Variants in PLCG2 observed in about 807,000 individuals in gnomAD.
The protein encoded by PLCG2 is 1-phosphatidylinositol 4,5-bisphosphate phosphodiesterase gamma-2.
In PLCG2, 69 loss-of-function variants were observed where a neutral mutation model predicts 175.6. The ratio of observed to expected loss-of-function variants is 0.39; its 90% CI spans 0.32 to 0.48. The LOEUF (loss-of-function observed/expected upper bound fraction) is 0.48, where lower values mean the gene tolerates loss of function less well. Ranked by LOEUF, PLCG2 falls within the 20% of genes least tolerant of loss-of-function variation. The pLI, the probability that PLCG2 is intolerant of heterozygous loss-of-function variation, is 0.91. For synonymous variants in PLCG2, 827 were observed against 624.0 expected, an observed-to-expected ratio of 1.33 and a Z score of -4.85; for missense variants, 1,798 against 1,650.9, an observed-to-expected ratio of 1.09 and a Z score of -1.54.
chr16:81,919,363 GTTTA>G, intron 19 of PLCG2, 117 bp from the exon 20 acceptor site: 5 of 715,108 alleles, frequency 7.0e-6, no homozygotes, highest in South Asian at 3.4e-5. Flanking sequence ...ACTATACCCT[GTTTA>G]TTTACCCACT....
chr16:81,956,609 T>C, intron 31 of PLCG2, 86 bp from the exon 32 acceptor site: 1 of 1,232,524 alleles, frequency 8.1e-7, no homozygotes, highest in South Asian at 1.5e-5. Context: ...ATGCTCCCTT[T>C]GGGCATGCTT....
intron 1 of PLCG2, chr16:81,740,339 A>G (rs1287946719): frequency 6.6e-6 from 1 of 152,156 alleles, no homozygotes; most frequent in Non-Finnish European, 1.5e-5. Flanking sequence ...GGCACAGCCA[A>G]TGACTGCATC....
chr16:81,861,884 T>C (rs1463203260), intron 5 of PLCG2, among the ~76,000 whole-genome samples: 1 of 152,188 alleles, frequency 6.6e-6, no homozygotes, highest in African/African-American at 2.4e-5. Flanking sequence ...AGATCCATCT[T>C]CCCATCGGCT....
At chr16:81,938,702 G>A in intron 28 of PLCG2, 99 bp from the exon 29 acceptor site, 1 of 676,260 alleles carries the variant, frequency 1.5e-6, no homozygotes, top group Non-Finnish European at 2.6e-6. Context: ...GGCTGGCATT[G>A]AACTCATCCA....
chr16:81,766,844 T>A (rs912006924), intron 2 of PLCG2: 17 of 152,310 alleles, frequency 1.1e-4, no homozygotes, highest in African/African-American at 4.1e-4. Context: ...GACTTCAACC[T>A]GCTTCCAGCC....
intron 2 of PLCG2, among the ~76,000 whole-genome samples, chr16:81,847,818 C>T (rs891536907): frequency 1.3e-5 from 2 of 152,148 alleles, no homozygotes; most frequent in Non-Finnish European, 2.9e-5. Flanking sequence ...GAGGGATGTG[C>T]ATAGGCTGTA....
At chr16:81,846,899 T>C (rs558941216) in intron 2 of PLCG2, among the ~76,000 whole-genome samples, 3 of 152,266 alleles carry the variant, frequency 2.0e-5, no homozygotes, top group Non-Finnish European at 4.4e-5. Context: ...TGTATGGTTT[T>C]CCCCCCACGC....
chr16:81,883,374 A>G, intron 9 of PLCG2, 33 bp downstream of exon 9: 2 of 1,566,558 alleles, frequency 1.3e-6, no homozygotes, highest in Non-Finnish European at 1.8e-6. Context: ...TGCCTGAGGG[A>G]GCTGGCGGGA....
At chr16:81,916,298 A>T (rs199812621) in intron 19 of PLCG2, among the ~76,000 whole-genome samples, 2 of 24,044 alleles carry the variant, frequency 8.3e-5, no homozygotes, top group Non-Finnish European at 1.4e-4. Flanking sequence ...TTAAAAAAAG[A>T]AAAAAAACAA....
chr16:81,800,659 C>A (rs1326852661), intron 2 of PLCG2, among the ~76,000 whole-genome samples: 1 of 151,788 alleles, frequency 6.6e-6, no homozygotes, highest in African/African-American at 2.4e-5. Context: ...TATTGTGATA[C>A]TATTGCTATT....
intron 2 of PLCG2, among the ~76,000 whole-genome samples, chr16:81,815,865 A>G (rs1904520878): frequency 6.6e-6 from 1 of 152,108 alleles, no homozygotes; most frequent in Admixed American, 6.6e-5. Context: ...GTTCGAGACC[A>G]GCCCGGCCAA....
chr16:81,760,890 T>C (rs1324274135), intron 2 of PLCG2, among the ~76,000 whole-genome samples: 2 of 152,012 alleles, frequency 1.3e-5, no homozygotes, highest in Non-Finnish European at 2.9e-5. Flanking sequence ...TATAGTGAGA[T>C]CCCTGGCTTA....
intron 2 of PLCG2, among the ~76,000 whole-genome samples, chr16:81,811,728 C>G (rs1379134243): frequency 6.6e-6 from 1 of 152,136 alleles, no homozygotes; most frequent in African/African-American, 2.4e-5. Context: ...CATAGTATTC[C>G]ATGGTGTATA....
At chr16:81,883,764 C>A (rs1042498235) in intron 9 of PLCG2, among the ~76,000 whole-genome samples, 1 of 152,184 alleles carries the variant, frequency 6.6e-6, no homozygotes, top group Non-Finnish European at 1.5e-5. Flanking sequence ...CTGCCAGGTC[C>A]CCTGGGAGAT....
chr16:81,940,776 C>T (rs944265276), intron 30 of PLCG2, among the ~76,000 whole-genome samples: 2 of 151,940 alleles, frequency 1.3e-5, no homozygotes, highest in Non-Finnish European at 2.9e-5. Context: ...CAGTCATTTA[C>T]AAAAACAAAA....
rs545954406 is a variant in PLCG2, at chr16:81,882,610, C to T, written c.693-659C>T. On this transcript the variant is annotated intron_variant, in intron 8 of 32. Coordinates refer to ENST00000564138, the MANE Select transcript of PLCG2 (RefSeq NM_002661.5). ...CCACACCTTTTGCTCTGCAATCCCTCCCTCTGGCCTGCGTTCCCTCGCTCC... is the reference window on the plus strand; with the variant it reads ...CCACACCTTTTGCTCTGCAATCCCTTCCTCTGGCCTGCGTTCCCTCGCTCC... Among the ~76,000 whole-genome samples the T allele has an allele frequency of 3.9e-5, 6 of 152,232 alleles. No homozygotes were observed. In the South Asian group the frequency reaches 1.2e-3, roughly 32 times the overall value.
chr16:81,953,027 A>G (rs1293581579), intron 31 of PLCG2, among the ~76,000 whole-genome samples: 1 of 152,246 alleles, frequency 6.6e-6, no homozygotes, highest in African/African-American at 2.4e-5. Context: ...AGAAGGGTAC[A>G]TTGCTTCTGT....
chr16:81,772,357 G>A (rs951350197), intron 2 of PLCG2, among the ~76,000 whole-genome samples: 2 of 152,290 alleles, frequency 1.3e-5, no homozygotes, highest in Middle Eastern at 3.4e-3. Flanking sequence ...AACCAGTGCT[G>A]CTGCTGGCAC....
rs1567534460 is a variant in PLCG2, at chr16:81,923,478, C to T, written c.2308-7C>T. ...CCTGACCTTTTCCTTCTTGTTTTCC[C>T]TGAAAGCCTCAGAGAACCGTGAAAG... On this transcript the variant is annotated splice_polypyrimidine_tract_variant and splice_region_variant and intron_variant, in intron 21 of 32. Coordinates refer to ENST00000564138, the MANE Select transcript of PLCG2 (RefSeq NM_002661.5). 2.5e-6 allele frequency: 4 copies of T among 1,594,302 alleles called. No homozygotes were observed. The highest frequency in any genetic ancestry group is 2.6e-6 in the Non-Finnish European group (3 of 1,162,470).
Sources: gnomAD v4.1 joint callset for allele counts (sites outside exome capture counted in the v4.1 genomes callset) on GRCh38, gnomAD v4.1.1 for gene constraint, MANE v1.5 for transcripts, NCBI Gene and HGNC (gene_info 2026-07-23, HGNC 2026-07-21) for gene names.